RIN2: variants seen among roughly 807,000 people sequenced by gnomAD.
RIN2 encodes RAB5 interacting protein 2.
In RIN2, 36 loss-of-function variants were observed where a neutral mutation model predicts 78.0. The ratio of observed to expected loss-of-function variants is 0.46; its 90% CI spans 0.35 to 0.61. The LOEUF is 0.61. Ranked by LOEUF, RIN2 falls within the 20% of genes least tolerant of loss-of-function variation. The pLI is 0.00. For missense variants in RIN2, 1,087 were observed against 1,159.7 expected (o/e 0.94, Z 0.91); for synonymous variants, 466 against 466.8 (o/e 1.00, Z 0.02).
intron 3 of RIN2, among the ~76,000 whole-genome samples, chr20:19,898,230 T>C (rs1026449572): frequency 6.6e-6 from 1 of 152,252 alleles, no homozygotes; most frequent in Non-Finnish European, 1.5e-5. Flanking sequence ...GCTAACAGCA[T>C]GTGTCGTTCC....
At chr20:19,936,799 G>A (rs1314797911) in intron 4 of RIN2, among the ~76,000 whole-genome samples, 1 of 152,214 alleles carries the variant, frequency 6.6e-6, no homozygotes, top group African/African-American at 2.4e-5. Context: ...TTTCCCAGAT[G>A]AATGTCACTT....
chr20:19,783,288 G>T (rs2034570081), intron 1 of RIN2, among the ~76,000 whole-genome samples: 1 of 152,224 alleles, frequency 6.6e-6, no homozygotes, highest in African/African-American at 2.4e-5. Flanking sequence ...CAGCAGAGAA[G>T]TTACTGTGTG....
chr20:19,876,090 T>A (rs2037846944), intron 2 of RIN2, among the ~76,000 whole-genome samples: 1 of 152,164 alleles, frequency 6.6e-6, no homozygotes. Flanking sequence ...GAAGCTAAAT[T>A]TCAGAGAGAG....
chr20:19,776,806 T>C (rs1320131543), intron 1 of RIN2, among the ~76,000 whole-genome samples: 1 of 152,140 alleles, frequency 6.6e-6, no homozygotes, highest in Non-Finnish European at 1.5e-5. Flanking sequence ...CTTCCGATTT[T>C]CCTGCCTTTC....
At chr20:19,940,953 T>C (rs2040846762) in intron 4 of RIN2, among the ~76,000 whole-genome samples, 1 of 152,210 alleles carries the variant, frequency 6.6e-6, no homozygotes. Flanking sequence ...GCATCCTGGC[T>C]AGAGCAGGTC....
intron 2 of RIN2, among the ~76,000 whole-genome samples, chr20:19,819,346 T>A (rs1407970857): frequency 6.6e-6 from 1 of 152,060 alleles, no homozygotes; most frequent in African/African-American, 2.4e-5. Flanking sequence ...AGGGCACTAA[T>A]CCCATCACAA....
At chr20:19,935,670 GA>G in intron 4 of RIN2, 2 of 950,712 alleles carry the variant, frequency 2.1e-6, no homozygotes, top group African/African-American at 1.8e-5. Context: ...GCAGTGATTG[GA>G]AACTGGATGT....
chr20:19,837,179 C>CAT (rs2036446586), intron 2 of RIN2, among the ~76,000 whole-genome samples: 1 of 148,866 alleles, frequency 6.7e-6, no homozygotes, highest in Non-Finnish European at 1.5e-5. Flanking sequence ...AACACACACA[C>CAT]ACACACACAC....
chr20:19,989,998 T>G lies in RIN2; in HGVS notation c.1763-8T>G. On this transcript the variant is annotated splice_polypyrimidine_tract_variant and splice_region_variant and intron_variant, in intron 9 of 12. Transcript: ENST00000255006. ...CAATAGTCATAGTAGCTACACTTTC[T>G]TTGGCAGATGTGGTGCTGGAAAAAG... The G allele has an allele frequency of 6.5e-7, 1 of 1,535,980 alleles. No individual in the cohort carries two copies. The highest frequency in any genetic ancestry group is 1.4e-5 in the African/African-American group (1 of 72,350).
At chr20:19,797,373 C>T (rs1017990242) in intron 1 of RIN2, among the ~76,000 whole-genome samples, 1 of 152,196 alleles carries the variant, frequency 6.6e-6, no homozygotes, top group African/African-American at 2.4e-5. Flanking sequence ...TATTCATTTA[C>T]ATTCTTGTTC....
chr20:19,772,947 A>G (rs111993698), intron 1 of RIN2, among the ~76,000 whole-genome samples: 1 of 152,220 alleles, frequency 6.6e-6, no homozygotes, highest in African/African-American at 2.4e-5. Context: ...ACAGGCATGC[A>G]TTAATTTTCT....
At chr20:19,813,016 T>C (rs1187814886) in intron 2 of RIN2, among the ~76,000 whole-genome samples, 2 of 152,202 alleles carry the variant, frequency 1.3e-5, no homozygotes, top group Non-Finnish European at 2.9e-5. Context: ...ATTCTGAGAA[T>C]GGAGGAATTG....
intron 2 of RIN2, among the ~76,000 whole-genome samples, chr20:19,876,582 A>G (rs1224445296): frequency 6.6e-6 from 1 of 151,748 alleles, no homozygotes; most frequent in Admixed American, 6.6e-5. Context: ...AAATGGGGAT[A>G]TGTGAGTAAA....
chr20:19,974,624 A>T, intron 8 of RIN2, 30 bp from the exon 9 acceptor site: 2 of 1,596,666 alleles, frequency 1.3e-6, no homozygotes, highest in Non-Finnish European at 8.6e-7. Context: ...CCGTATTTAC[A>T]TTCTTGTGTT....
chr20:19,966,453 AG>A (rs1384109400), intron 7 of RIN2, among the ~76,000 whole-genome samples: 1 of 151,870 alleles, frequency 6.6e-6, no homozygotes, highest in Non-Finnish European at 1.5e-5. Context: ...CCTCCTGAGT[AG>A]CTGGGATTAC....
intron 2 of RIN2, among the ~76,000 whole-genome samples, chr20:19,840,773 A>G (rs992095730): frequency 6.6e-6 from 1 of 152,206 alleles, no homozygotes; most frequent in Admixed American, 6.5e-5. Context: ...CATGTTCCAC[A>G]AGCTCCTTTC....
intron 3 of RIN2, among the ~76,000 whole-genome samples, chr20:19,897,902 C>T (rs1173987529): frequency 2.6e-5 from 4 of 152,090 alleles, no homozygotes; most frequent in Admixed American, 2.6e-4. Context: ...TTTGTAGAGA[C>T]AGGGTCTCAC....
At chr20:19,852,977 G>T (rs188898053) in intron 2 of RIN2, among the ~76,000 whole-genome samples, 11 of 151,560 alleles carry the variant, frequency 7.3e-5, no homozygotes, top group Non-Finnish European at 1.2e-4. Flanking sequence ...TTGGTGTGCT[G>T]CACCCATTAA....
intron 4 of RIN2, chr20:19,935,711 G>T: frequency 4.5e-6 from 3 of 672,286 alleles, no homozygotes; most frequent in Non-Finnish European, 5.5e-6. Flanking sequence ...AGGGAAGGCG[G>T]CGTGCTGTGC....
Sources: allele counts gnomAD v4.1 joint callset (sites outside exome capture counted in the v4.1 genomes callset), GRCh38; gene constraint gnomAD v4.1.1; transcripts MANE v1.5; gene names NCBI Gene and HGNC (gene_info 2026-07-23, HGNC 2026-07-21).